CTNND2: variants seen among roughly 807,000 people sequenced by gnomAD.
CTNND2 encodes the protein catenin delta 2, also known as catenin delta-2.
In CTNND2, 22 loss-of-function variants were observed where a neutral mutation model predicts 144.4. That is an observed-to-expected ratio of 0.15 (90% CI 0.11 to 0.22). The LOEUF (loss-of-function observed/expected upper bound fraction) is 0.22, where lower values mean the gene tolerates loss of function less well. Among genes scored for constraint, CTNND2 ranks in the 10% least tolerant of loss-of-function variants. The pLI is 1.00. For synonymous variants in CTNND2, 751 were observed against 695.6 expected (o/e 1.08, Z -1.25); for missense variants, 1,353 against 1,618.8 (o/e 0.84, Z 2.82).
intron 20 of CTNND2, among the ~76,000 whole-genome samples, chr5:10,984,431 T>C (rs1737680189): frequency 1.3e-5 from 2 of 152,232 alleles, no homozygotes; most frequent in South Asian, 4.1e-4. Flanking sequence ...ATATATTTTT[T>C]AGAACGTTTG....
Position 11,538,638 on chromosome 5 carries a change from T to C in CTNND2, c.287+26306A>G, listed in dbSNP as rs572868246. On this transcript the variant is annotated intron_variant, in intron 3 of 21. Coordinates refer to ENST00000304623, the MANE Select transcript of CTNND2 (RefSeq NM_001332.4). Reference sequence around the variant, plus strand: ...GAAACTTTATTTATAATATTCTATATATTCCATCATTACTCAAAGACATTC... The same window carrying C: ...GAAACTTTATTTATAATATTCTATACATTCCATCATTACTCAAAGACATTC... Among the ~76,000 whole-genome samples the C allele has an allele frequency of 3.3e-5, 5 of 152,326 alleles. No individual in the cohort carries two copies. The South Asian group carries it at 1.0e-3, about 32-fold the overall frequency.
intron 3 of CTNND2, among the ~76,000 whole-genome samples, chr5:11,495,293 A>G (rs1251025719): frequency 6.6e-6 from 1 of 152,238 alleles, no homozygotes. Context: ...CATTTACTAA[A>G]TGCCAAATAC....
At chr5:11,854,267 T>C (rs948670235) in intron 1 of CTNND2, among the ~76,000 whole-genome samples, 1 of 152,232 alleles carries the variant, frequency 6.6e-6, no homozygotes, top group African/African-American at 2.4e-5. Flanking sequence ...AAAGTTCAAC[T>C]GCATTACTTT....
At chr5:11,571,684 G>A (rs890471069) in intron 2 of CTNND2, among the ~76,000 whole-genome samples, 1 of 151,990 alleles carries the variant, frequency 6.6e-6, no homozygotes, top group African/African-American at 2.4e-5. Flanking sequence ...CCGCACCTTC[G>A]AGAGATTTTC....
rs61763035 is a variant in CTNND2, at chr5:11,565,502, A to G, written c.175-446T>C. 2.7e-3 allele frequency among the ~76,000 whole-genome samples: 412 copies of G among 152,348 alleles called. 12 individuals are homozygous for G. The East Asian group carries it at 0.055, about 20-fold the overall frequency. ...CTACTGGCCTTCTGGCCAACTCTAT[A>G]GTGTTTACTGCTTTCTTCATATTAC... On this transcript the variant is annotated intron_variant, in intron 2 of 21. Coordinates refer to ENST00000304623, the MANE Select transcript of CTNND2 (RefSeq NM_001332.4).
At chr5:11,850,256 C>T (rs943124153) in intron 1 of CTNND2, among the ~76,000 whole-genome samples, 4 of 152,040 alleles carry the variant, frequency 2.6e-5, no homozygotes, top group Non-Finnish European at 5.9e-5. Context: ...CCACCCAAAA[C>T]TCCATGGAAA....
chr5:11,677,574 C>A (rs983902665), intron 2 of CTNND2, among the ~76,000 whole-genome samples: 1 of 152,106 alleles, frequency 6.6e-6, no homozygotes, highest in Admixed American at 6.6e-5. Context: ...AGTAGAGGAA[C>A]CGGCTTTAAG....
chr5:11,453,602 AT>A (rs2149917522), intron 3 of CTNND2, among the ~76,000 whole-genome samples: 1 of 152,304 alleles, frequency 6.6e-6, no homozygotes, highest in East Asian at 1.9e-4. Context: ...ATCAGAAGAG[AT>A]TTCTATCTGA....
chr5:11,615,716 A>C (rs1305905043), intron 2 of CTNND2, among the ~76,000 whole-genome samples: 1 of 152,190 alleles, frequency 6.6e-6, no homozygotes, highest in Non-Finnish European at 1.5e-5. Context: ...GTGTCACATA[A>C]GTGTATTTTA....
chr5:11,350,712 C>T (rs187394354), intron 8 of CTNND2, among the ~76,000 whole-genome samples: 1 of 152,044 alleles, frequency 6.6e-6, no homozygotes, highest in Admixed American at 6.5e-5. Context: ...AATACCAGTA[C>T]AAATGGACAG....
At chr5:11,390,015 T>C (rs1759496968) in intron 6 of CTNND2, among the ~76,000 whole-genome samples, 1 of 152,136 alleles carries the variant, frequency 6.6e-6, no homozygotes, top group Non-Finnish European at 1.5e-5. Context: ...TATTCTAAAA[T>C]CGCCCCCCGC....
rs529971056 is a variant in CTNND2, at chr5:10,996,237, G to A, written c.3085-3560C>T. ...AGAGAGACAAGGGAACGTCACGGAAGCTAAGCCCAGTAGGGAGGAAAATGT... is the reference window on the plus strand; with the variant it reads ...AGAGAGACAAGGGAACGTCACGGAAACTAAGCCCAGTAGGGAGGAAAATGT... On this transcript the variant is annotated intron_variant, in intron 18 of 21. Transcript: ENST00000304623. Among the ~76,000 whole-genome samples the A allele has an allele frequency of 3.3e-4, 51 of 152,324 alleles. No homozygotes were observed. The East Asian group carries it at 8.5e-3, about 25-fold the overall frequency.
chr5:11,847,130 A>T (rs12657286), intron 1 of CTNND2, among the ~76,000 whole-genome samples: 552 of 8,462 alleles, frequency 0.065, 27 homozygotes, highest in Admixed American at 0.27. Flanking sequence ...CAAAGATTTT[A>T]TATATATATA....
At chr5:11,815,141 A>G (rs1792555999) in intron 1 of CTNND2, among the ~76,000 whole-genome samples, 1 of 152,176 alleles carries the variant, frequency 6.6e-6, no homozygotes, top group African/African-American at 2.4e-5. Context: ...CTAAGAGGTA[A>G]TATATAGGCA....
At chr5:11,865,843 A>G (rs1354131532) in intron 1 of CTNND2, among the ~76,000 whole-genome samples, 1 of 145,872 alleles carries the variant, frequency 6.9e-6, no homozygotes, top group East Asian at 2.2e-4. Flanking sequence ...GTCTTTGAAC[A>G]TGGAGGAAGG....
intron 1 of CTNND2, among the ~76,000 whole-genome samples, chr5:11,754,827 A>G (rs1788838349): frequency 6.6e-6 from 1 of 151,508 alleles, no homozygotes; most frequent in Admixed American, 6.6e-5. Context: ...CTTTACTGTG[A>G]GCCTGTGGGT....
intron 9 of CTNND2, among the ~76,000 whole-genome samples, chr5:11,252,571 C>T (rs1743774135): frequency 6.6e-6 from 1 of 152,206 alleles, no homozygotes; most frequent in African/African-American, 2.4e-5. Flanking sequence ...ATGCCTTCCT[C>T]ACTTAATGTT....
intron 12 of CTNND2, among the ~76,000 whole-genome samples, chr5:11,137,423 C>T (rs1561366996): frequency 2.0e-5 from 3 of 152,236 alleles, no homozygotes; most frequent in South Asian, 2.1e-4. Context: ...AGTACATACA[C>T]CCCAACGTGT....
chr5:11,268,821 T>A (rs1745716447), intron 9 of CTNND2, among the ~76,000 whole-genome samples: 1 of 152,146 alleles, frequency 6.6e-6, no homozygotes, highest in African/African-American at 2.4e-5. Context: ...ACGGGTAATT[T>A]TTTTTCTTTT....
Sources: gnomAD v4.1 joint callset for allele counts (sites outside exome capture counted in the v4.1 genomes callset) on GRCh38, gnomAD v4.1.1 for gene constraint, MANE v1.5 for transcripts, NCBI Gene and HGNC (gene_info 2026-07-23, HGNC 2026-07-21) for gene names.